SLC30A8: variants seen among roughly 807,000 people sequenced by gnomAD.
SLC30A8 encodes proton-coupled zinc antiporter SLC30A8.
In SLC30A8, 27 loss-of-function variants were observed where a neutral mutation model predicts 36.9. That is an observed-to-expected ratio of 0.73 (90% confidence interval 0.54 to 1.01). The LOEUF is 1.01. Ranked by LOEUF, SLC30A8 falls within the 50% of genes least tolerant of loss-of-function variation. SLC30A8 has a pLI of 0.00. For missense variants in SLC30A8, 439 were observed against 452.0 expected (o/e 0.97, Z 0.26); for synonymous variants, 164 against 172.4 (o/e 0.95, Z 0.38).
chr8:117,018,274 A>G (rs1816586475), intron 1 of SLC30A8: 1 of 152,200 alleles, frequency 6.6e-6, no homozygotes, highest in Non-Finnish European at 1.5e-5. Context: ...ACATACATAC[A>G]TACATACATA....
intron 1 of SLC30A8, among the ~76,000 whole-genome samples, chr8:117,018,663 G>A (rs948628865): frequency 9.8e-6 from 1 of 102,392 alleles, no homozygotes; most frequent in Non-Finnish European, 1.9e-5. Context: ...AATCTGACTA[G>A]CCCCCCCCCC....
chr8:116,976,930 C>T (rs955743396), intron 1 of SLC30A8, among the ~76,000 whole-genome samples: 1 of 150,694 alleles, frequency 6.6e-6, no homozygotes, highest in African/African-American at 2.4e-5. Flanking sequence ...GATTCTCCTG[C>T]CTCAGCCTCC....
chr8:117,105,582 G>A (rs1819959191), intron 2 of SLC30A8, among the ~76,000 whole-genome samples: 2 of 152,100 alleles, frequency 1.3e-5, no homozygotes, highest in South Asian at 2.1e-4. Flanking sequence ...AATTTGTAGG[G>A]CAAGCCAGCA....
rs1821306525 is a variant in SLC30A8, at chr8:117,135,237, G to A, written c.-91G>A. 6.3e-6 allele frequency: 5 copies of A among 789,162 alleles called. No individual in the cohort carries two copies. Among genetic ancestry groups the A allele is most frequent in the African/African-American group, 1.8e-5 (1 of 56,816 alleles). The allele number at this position is 789,162 out of a possible 1,614,324, so 48.9% of individuals were successfully genotyped here. A position where few individuals can be genotyped will look rare whatever the true frequency, so the allele number is the denominator to read the frequency against. On this transcript the variant is annotated 5_prime_UTR_variant, in exon 1 of 8. Coordinates refer to ENST00000456015, the MANE Select transcript of SLC30A8 (RefSeq NM_173851.3). ...CCTTTTAATTTTTTCTTTAGAAAGT[G>A]TATAAATAATTGCAGTGCTGCTTTG...
At position 117,045,628 on chromosome 8, in the gene SLC30A8, AAGCAACTTGG is replaced by A. The variant is rs371216209; in HGVS notation, c.-226+6373_-226+6382del. On this transcript the variant is annotated intron_variant, in intron 2 of 10. Coordinates refer to the SLC30A8 transcript ENST00000427715. The stretch of plus-strand genomic sequence containing the variant: ...CGGGCTCCCACTCCCATATTTGAAG[AAGCAACTTGG>A]AGTCCGTGACCTAGGTGGGCTGACT... 7.2e-3 allele frequency among the ~76,000 whole-genome samples: 1,102 copies of A among 152,290 alleles called. 13 individuals are homozygous for A. The highest frequency in any genetic ancestry group is 0.025 in the African/African-American group (1,048 of 41,566).
chr8:116,983,222 T>C (rs1280914312), intron 1 of SLC30A8, among the ~76,000 whole-genome samples: 1 of 152,170 alleles, frequency 6.6e-6, no homozygotes, highest in African/African-American at 2.4e-5. Flanking sequence ...TTCTCTCATT[T>C]AAAAAATTTA....
At chr8:117,019,749 T>C (rs955440307) in intron 1 of SLC30A8, among the ~76,000 whole-genome samples, 1 of 152,072 alleles carries the variant, frequency 6.6e-6, no homozygotes, top group Non-Finnish European at 1.5e-5. Context: ...GGATGGTGTG[T>C]TGGAAGAATG....
chr8:116,973,999 A>C (rs957616738), intron 1 of SLC30A8, among the ~76,000 whole-genome samples: 2 of 152,246 alleles, frequency 1.3e-5, no homozygotes, highest in African/African-American at 4.8e-5. Context: ...TAGAAAGCTG[A>C]AACTGGATCC....
chr8:117,169,020 A>G (rs981715224), intron 6 of SLC30A8, among the ~76,000 whole-genome samples: 5 of 152,172 alleles, frequency 3.3e-5, no homozygotes, highest in Admixed American at 1.3e-4. Flanking sequence ...CAAACTTTAC[A>G]CATAGTGGGC....
Position 117,171,044 on chromosome 8 carries a change from G to C in SLC30A8, c.840G>C (p.Lys280Asn). ...FSILLMEGVP[K>N]SLNYSGVKEL... ...CTTCCCTTTTGTCAGGTGTGCCAAA[G>C]AGCCTGAATTACAGTGGTGTGAAAG... Residue 280 changes from lysine to asparagine, a missense_variant, in exon 7 of 8, where the codon AAG becomes AAC. Transcript: ENST00000456015. 1 of 1,597,058 alleles carries C rather than the reference G, an allele frequency of 6.3e-7. No homozygotes were observed. Among genetic ancestry groups the C allele is most frequent in the Non-Finnish European group, 8.5e-7 (1 of 1,172,318 alleles).
chr8:116,955,503 G>T (rs968031107), intron 1 of SLC30A8, among the ~76,000 whole-genome samples: 11 of 152,128 alleles, frequency 7.2e-5, no homozygotes, highest in Non-Finnish European at 1.6e-4. Flanking sequence ...GCTGAGGTGG[G>T]TGGATCACTT....
intron 2 of SLC30A8, among the ~76,000 whole-genome samples, chr8:117,101,453 G>T (rs1819717697): frequency 6.6e-6 from 1 of 152,162 alleles, no homozygotes; most frequent in South Asian, 2.1e-4. Flanking sequence ...TACTGCCTGT[G>T]ATCAGCCACT....
chr8:117,137,280 A>G (rs1366475350), intron 1 of SLC30A8, among the ~76,000 whole-genome samples: 1 of 151,924 alleles, frequency 6.6e-6, no homozygotes, highest in Non-Finnish European at 1.5e-5. Context: ...AGTTGTGGAT[A>G]ACTTTATCCC....
chr8:116,978,065 G>C lies in SLC30A8; in HGVS notation c.-266+26946G>C, dbSNP rs573425967. Among the ~76,000 whole-genome samples the C allele has an allele frequency of 2.0e-4, 30 of 152,058 alleles. No individual in the cohort carries two copies. The South Asian group carries it at 4.4e-3, about 22-fold the overall frequency. On this transcript the variant is annotated intron_variant, in intron 1 of 10. Coordinates refer to the SLC30A8 transcript ENST00000427715. ...TTCCCCTCTAGGTTGTCCTGAAAAA[G>C]AAAAGCACCCTTCCCATTTAACCTT...
intron 1 of SLC30A8, among the ~76,000 whole-genome samples, chr8:116,975,133 A>G (rs1351393357): frequency 1.3e-5 from 2 of 152,078 alleles, no homozygotes; most frequent in Non-Finnish European, 2.9e-5. Flanking sequence ...GCACATGTGT[A>G]CATATGTAAC....
In SLC30A8 at chr8:117,043,772, G is replaced by A. The variant is rs145645361; in HGVS notation, c.-226+4514G>A. Among the ~76,000 whole-genome samples the A allele has an allele frequency of 2.6e-5, 4 of 152,154 alleles. No homozygotes were observed. The South Asian group carries it at 6.2e-4, about 24-fold the overall frequency. ...ACCACCACCCTGGGTTGAAAATGGCGTACTGAAATCCACGTAAATGAGATA... is the reference window on the plus strand; with the variant it reads ...ACCACCACCCTGGGTTGAAAATGGCATACTGAAATCCACGTAAATGAGATA... On this transcript the variant is annotated intron_variant, in intron 2 of 10. Transcript: ENST00000427715.
chr8:116,961,668 C>G (rs1563723959), intron 1 of SLC30A8, among the ~76,000 whole-genome samples: 1 of 151,826 alleles, frequency 6.6e-6, no homozygotes, highest in Non-Finnish European at 1.5e-5. Flanking sequence ...CTGGGAAGTC[C>G]AAGATTAAGG....
At chr8:117,124,392 G>C (rs1586554321) in intron 2 of SLC30A8, among the ~76,000 whole-genome samples, 1 of 151,916 alleles carries the variant, frequency 6.6e-6, no homozygotes, top group African/African-American at 2.4e-5. Context: ...GCCCAATGCA[G>C]GTCAGTAGAG....
rs117871634 is a variant in SLC30A8, at chr8:117,076,142, C to T, written c.-226+36884C>T. Among the ~76,000 whole-genome samples the T allele has an allele frequency of 6.8e-3, 1,028 of 152,198 alleles. 7 individuals carry two copies. The highest frequency in any genetic ancestry group is 0.012 in the Non-Finnish European group (796 of 67,996). ...ACTAAATAGTACAATTTTCTGTACC[C>T]CCTTCAGCTAGAGTTCCTTAGCTTT... On this transcript the variant is annotated intron_variant, in intron 2 of 10. Transcript: ENST00000427715.
Sources: gnomAD v4.1 joint callset for allele counts (sites outside exome capture counted in the v4.1 genomes callset) on GRCh38, gnomAD v4.1.1 for gene constraint, MANE v1.5 for transcripts, NCBI Gene and HGNC (gene_info 2026-07-23, HGNC 2026-07-21) for gene names.